Variants in TCIRG1 observed in about 807,000 individuals in gnomAD.
TCIRG1 encodes the protein T cell immune regulator 1, ATPase H+ transporting V0 subunit a3.
A neutral mutation model predicts 95.5 loss-of-function variants in TCIRG1; 86 were observed. The ratio of observed to expected loss-of-function variants is 0.90; its 90% confidence interval spans 0.76 to 1.08. The LOEUF is 1.08. Among genes scored for constraint, TCIRG1 ranks in the 50% least tolerant of loss-of-function variants. The probability of loss-of-function intolerance (pLI) is 0.00; values close to 1 mark genes in which losing one functional copy is unlikely to be tolerated. For missense variants in TCIRG1, 1,069 were observed against 1,140.2 expected (o/e 0.94, Z 0.90); for synonymous variants, 499 against 501.3 (o/e 1.00, Z 0.06).
rs1438313435 is a variant in TCIRG1 at position 68,041,815 on chromosome 11, G to A, written c.180G>A (p.Glu60=). 1 of 1,608,556 alleles carries A rather than the reference G, an allele frequency of 6.2e-7. No individual in the cohort carries two copies. Among genetic ancestry groups the A allele is most frequent in the Non-Finnish European group, 8.5e-7 (1 of 1,177,526 alleles). ...RFVVDVRRCE[E]LEKTFTFLQE... is the part of the protein sequence containing the mutation. ...TGGTTGATGTTCGGCGCTGTGAGGA[G>A]CTGGAGAAGACCTTCAGTGAGTTGG... Residue 60 remains glutamate, a synonymous_variant, in exon 3 of 20, where the codon GAG becomes GAA. Transcript: ENST00000265686.
In TCIRG1 at chr11:68,045,024, C is replaced by T. The variant is rs375809635; in HGVS notation, c.1087C>T (p.Arg363Cys). 1.4e-5 allele frequency: 22 copies of T among 1,607,920 alleles called. No individual in the cohort carries two copies. Among genetic ancestry groups the T allele is most frequent in the Admixed American group, 6.7e-5 (4 of 60,014 alleles). Residue 363 changes from arginine (R) to cysteine (C), a missense_variant, in exon 10 of 20, where the codon CGC becomes TGC. Physicochemically the swap from Arg to Cys is radical, Grantham distance 180 (BLOSUM62 -3). Coordinates refer to ENST00000265686, the MANE Select transcript of TCIRG1 (RefSeq NM_006019.4). ...PCRDMPPTLI[R>C]TNRFTASFQG... is the part of the protein sequence containing the mutation. ...CCGGGACATGCCCCCCACACTCATC[C>T]GCACCAACCGCTTCACGGCCAGCTT... is the stretch of plus-strand genomic sequence containing the variant.
intron 1 of TCIRG1, among the ~76,000 whole-genome samples, 180 bp downstream of exon 1, chr11:68,039,299 G>T (rs865993009): frequency 6.6e-5 from 10 of 152,140 alleles, no homozygotes; most frequent in Non-Finnish European, 1.5e-4. Context: ...GGGAGGAGGA[G>T]AAGGATGGGG....
Position 68,040,191 on chromosome 11 carries a change from G to A in TCIRG1, c.-5+1072G>A, listed in dbSNP as rs1188828425. 2.0e-4 allele frequency among the ~76,000 whole-genome samples: 31 copies of A among 152,164 alleles called. 2 individuals are homozygous for A. Among genetic ancestry groups the A allele is most frequent in the Admixed American group, 2.0e-3 (30 of 15,272 alleles). On this transcript the variant is annotated intron_variant, in intron 1 of 19. Coordinates refer to ENST00000265686, the MANE Select transcript of TCIRG1 (RefSeq NM_006019.4). ...ATCCTGTCTCTGTCAGGGGTGCCACGTCCCATTCACCCAAAGAGGAAGTAG... is the reference window on the plus strand; with the variant it reads ...ATCCTGTCTCTGTCAGGGGTGCCACATCCCATTCACCCAAAGAGGAAGTAG...
Position 68,041,293 on chromosome 11 carries a change from G to A in TCIRG1, c.22G>A (p.Glu8Lys), listed in dbSNP as rs1480589952. The stretch of plus-strand genomic sequence containing the variant: ...GACCATGGGCTCCATGTTCCGGAGC[G>A]AGGAGGTGGCCCTGGTCCAGCTCTT... MGSMFRS[E>K]EVALVQLFLP... Residue 8 changes from glutamate to lysine, a missense_variant, in exon 2 of 20, where the codon GAG (glutamate) becomes AAG (lysine). Physicochemically the swap from Glu to Lys is moderately conservative, Grantham distance 56 (BLOSUM62 1). Coordinates refer to ENST00000265686, the MANE Select transcript of TCIRG1 (RefSeq NM_006019.4). 8 of 1,612,838 alleles carry A rather than the reference G, an allele frequency of 5.0e-6. No individual in the cohort carries two copies. Among genetic ancestry groups the A allele is most frequent in the South Asian group, 2.2e-5 (2 of 91,082 alleles).
In TCIRG1 at chr11:68,050,520, GC is replaced by G. The variant is rs1855750271; in HGVS notation, c.2271del (p.Ile758Ter). 6.2e-7 allele frequency: 1 copy of G among 1,613,612 alleles called. No homozygotes were observed. The highest frequency in any genetic ancestry group is 8.5e-7 in the Non-Finnish European group (1 of 1,180,008). ...LSEVLWAMVMRIGLGLGREVG... is the reference protein window; with the variant it reads ...LSEVLWAMVMXIGLGLGREVG... ...GAGGTTCTGTGGGCCATGGTGATGC[GC>G]ATAGGCCTGGGCCTGGGCCGGGAGG... On this transcript the variant is annotated frameshift_variant, in exon 19 of 20. Transcript: ENST00000265686. LOFTEE classifies it high-confidence loss of function.
At chr11:68,047,072 G>A (rs1201079109) in intron 10 of TCIRG1, 3 of 387,890 alleles carry the variant, frequency 7.7e-6, no homozygotes, top group Non-Finnish European at 1.5e-5. Flanking sequence ...GTGCAGTGGC[G>A]CGAGCTCGGC....
At chr11:68,049,386 GAA>G (rs1441786458) in intron 15 of TCIRG1, 92 bp downstream of exon 15, 2 of 1,363,928 alleles carry the variant, frequency 1.5e-6, no homozygotes, top group East Asian at 4.7e-5. Context: ...CCTCGTCCGA[GAA>G]ACGGGGATGC....
In TCIRG1 at chr11:68,044,364, G is replaced by A. The variant is rs957168448; in HGVS notation, c.1020+20G>A. On this transcript the variant is annotated intron_variant, in intron 9 of 19. Coordinates refer to ENST00000265686, the MANE Select transcript of TCIRG1 (RefSeq NM_006019.4). Reference sequence around the variant, plus strand: ...AGCTCGGTGAGCAGCCTGAGGCCTCGCCCCCTCTCCGCCCGCCCCTCCTAC... The same window carrying A: ...AGCTCGGTGAGCAGCCTGAGGCCTCACCCCCTCTCCGCCCGCCCCTCCTAC... 4.6e-6 allele frequency: 7 copies of A among 1,533,582 alleles called. No homozygotes were observed. Among genetic ancestry groups the A allele is most frequent in the African/African-American group, 1.4e-5 (1 of 72,912 alleles). 95.0% of individuals were successfully genotyped at this position (1,533,582 alleles called of 1,614,324 possible). A position where few individuals can be genotyped will look rare whatever the true frequency, so the allele number is the denominator to read the frequency against.
chr11:68,052,409 T>G (rs571986261), downstream of TCIRG1: 3 of 152,322 alleles, frequency 2.0e-5, no homozygotes, highest in East Asian at 3.9e-4. Flanking sequence ...GAGGGCTGAG[T>G]GAGGCCAGCA....
In TCIRG1 at chr11:68,041,771, G is replaced by A. The variant is rs777437386; in HGVS notation, c.136G>A (p.Ala46Thr). ...CCCACAGCTCAACGCCTCGGTGAGC[G>A]CCTTCCAGAGACGCTTTGTGGTTGA... ...EFRDLNASVS[A>T]FQRRFVVDVR... The change falls in exon 3 of 20, where the codon GCC (alanine) becomes ACC (threonine). Residue 46 changes from alanine to threonine, a missense_variant. Physicochemically the swap from Ala to Thr is moderately conservative, Grantham distance 58. Coordinates refer to ENST00000265686, the MANE Select transcript of TCIRG1 (RefSeq NM_006019.4). 27 of 1,609,640 alleles carry A rather than the reference G, an allele frequency of 1.7e-5. No homozygotes were observed. Among genetic ancestry groups the A allele is most frequent in the African/African-American group, 2.7e-5 (2 of 74,864 alleles).
intron 7 of TCIRG1, 48 bp from the exon 8 acceptor site, chr11:68,043,766 T>A: frequency 1.3e-6 from 2 of 1,545,002 alleles, no homozygotes; most frequent in Non-Finnish European, 1.8e-6. Flanking sequence ...ACTCAGAGTC[T>A]CGTAGCTGTG....
chr11:68,045,640 G>A (rs548509643), intron 10 of TCIRG1, among the ~76,000 whole-genome samples: 8 of 151,214 alleles, frequency 5.3e-5, no homozygotes, highest in African/African-American at 1.7e-4. Context: ...TGAAACCTCC[G>A]CCTCCCAGGT....
At position 68,050,570 on chromosome 11, in the gene TCIRG1, G is replaced by T. The variant is rs758832305; in HGVS notation, c.2320G>T (p.Val774Phe). 1 of 1,613,664 alleles carries T rather than the reference G, an allele frequency of 6.2e-7. No homozygotes were observed. The highest frequency in any genetic ancestry group is 1.1e-5 in the South Asian group (1 of 91,088). ...GGTGGGCGTGGCGGCTGTGGTGCTGGTCCCCATCTTTGCCGCCTTTGCCGT... is the reference window on the plus strand; with the variant it reads ...GGTGGGCGTGGCGGCTGTGGTGCTGTTCCCCATCTTTGCCGCCTTTGCCGT... ...REVGVAAVVL[V>F]PIFAAFAVMT... The change falls in exon 19 of 20, where the codon GTC (valine) becomes TTC (phenylalanine). Residue 774 changes from valine to phenylalanine, a missense_variant. Val to Phe is a conservative substitution (Grantham distance 50). Transcript: ENST00000265686.
intron 5 of TCIRG1, 57 bp downstream of exon 5, chr11:68,043,088 G>A (rs536598236): frequency 2.7e-5 from 42 of 1,548,262 alleles, no homozygotes; most frequent in Non-Finnish European, 3.3e-5. Flanking sequence ...CTGGCCAGTC[G>A]CTGGGCTGGG....
chr11:68,041,470 C>G (rs999154250), intron 2 of TCIRG1, 82 bp downstream of exon 2: 7 of 1,043,900 alleles, frequency 6.7e-6, no homozygotes, highest in Non-Finnish European at 8.6e-6. Context: ...ACTGCCCCCC[C>G]TCCGCCATAG....
chr11:68,040,360 T>TGGGCCATCTGCTCAGTGTTCCCTC (rs1217606487), intron 1 of TCIRG1, among the ~76,000 whole-genome samples: 2 of 152,202 alleles, frequency 1.3e-5, no homozygotes, highest in Non-Finnish European at 2.9e-5. Context: ...CCTGCAGCCT[T>TGGGCCATCTGCTCAGTGTTCCCTC]GGGCCATCTG....
In TCIRG1 at chr11:68,042,692, A is replaced by G. The variant is rs2134434960; in HGVS notation, c.246A>G (p.Pro82=). Residue 82 remains proline (P), a synonymous_variant, in exon 4 of 20, where the codon CCA becomes CCG. Coordinates refer to ENST00000265686, the MANE Select transcript of TCIRG1 (RefSeq NM_006019.4). The part of the protein sequence containing the change: ...VRRAGLVLPP[P]KGRLPAPPPR... ...GGGCTGGGCTGGTCCTGCCCCCGCC[A>G]AAGGGGAGGCTGCCGGCACCCCCAC... The G allele has an allele frequency of 6.5e-7, 1 of 1,545,546 alleles. No homozygotes were observed. The highest frequency in any genetic ancestry group is 1.4e-5 in the African/African-American group (1 of 72,982).
At chr11:68,044,076 G>C (rs1005630352) in intron 8 of TCIRG1, 56 bp from the exon 9 acceptor site, 2 of 1,494,712 alleles carry the variant, frequency 1.3e-6, no homozygotes, top group African/African-American at 2.8e-5. Flanking sequence ...GGGTGCCCCC[G>C]GCCCAGCCAC....
downstream of TCIRG1, among the ~76,000 whole-genome samples, chr11:68,051,154 G>C (rs1437100308): frequency 6.6e-6 from 1 of 152,218 alleles, no homozygotes; most frequent in African/African-American, 2.4e-5. Context: ...GCACCTGGCT[G>C]TGAGCGGGTG....
Sources: gnomAD v4.1 joint callset for allele counts (sites outside exome capture counted in the v4.1 genomes callset) on GRCh38, gnomAD v4.1.1 for gene constraint, MANE v1.5 for transcripts, NCBI Gene and HGNC (gene_info 2026-07-23, HGNC 2026-07-21) for gene names.